Variants in TJP1 observed in about 807,000 individuals in gnomAD.
The protein encoded by TJP1 is tight junction protein ZO-1.
TJP1 carries 43 observed loss-of-function variants against 194.2 expected under a neutral mutation model. The observed-to-expected ratio is 0.22, with a 90% CI of 0.17 to 0.29. The LOEUF is 0.29. Among genes scored for constraint, TJP1 ranks in the 10% least tolerant of loss-of-function variants. The probability of loss-of-function intolerance (pLI) is 1.00; values close to 1 mark genes in which losing one functional copy is unlikely to be tolerated. For missense variants in TJP1, 1,971 were observed against 2,185.7 expected (o/e 0.90, Z 1.96); for synonymous variants, 801 against 779.0 (o/e 1.03, Z -0.47).
At chr15:29,702,168 A>C (rs1017511986) in intron 27 of TJP1, among the ~76,000 whole-genome samples, 1 of 151,930 alleles carries the variant, frequency 6.6e-6, no homozygotes, top group African/African-American at 2.4e-5. Context: ...ATGAGGACAC[A>C]TTTCTCACAC....
intron 1 of TJP1, among the ~76,000 whole-genome samples, chr15:29,816,825 A>C (rs993130834): frequency 5.9e-5 from 9 of 152,220 alleles, no homozygotes; most frequent in Non-Finnish European, 1.0e-4. Flanking sequence ...TGGATTAAAG[A>C]CTTCAATGTA....
chr15:29,957,770 G>A (rs1425546633), intron 1 of TJP1, among the ~76,000 whole-genome samples: 1 of 152,168 alleles, frequency 6.6e-6, no homozygotes, highest in African/African-American at 2.4e-5. Context: ...AGGAAAGATT[G>A]CTCAAAGTAG....
At chr15:29,902,796 G>A (rs760413976) in intron 2 of TJP1, among the ~76,000 whole-genome samples, 1 of 152,158 alleles carries the variant, frequency 6.6e-6, no homozygotes, top group Non-Finnish European at 1.5e-5. Flanking sequence ...AGCACTTTGG[G>A]AGACCACGGC....
chr15:29,766,102 T>G (rs994557966), intron 5 of TJP1, among the ~76,000 whole-genome samples, 164 bp downstream of exon 5: 2 of 152,034 alleles, frequency 1.3e-5, no homozygotes, highest in African/African-American at 4.8e-5. Flanking sequence ...ACGGAAAAAA[T>G]GAACAGTCCC....
chr15:29,719,692 G>T, intron 20 of TJP1, 85 bp downstream of exon 20: 3 of 1,524,300 alleles, frequency 2.0e-6, no homozygotes, highest in South Asian at 1.3e-5. Context: ...AAAAGCAAAA[G>T]GAACACTTAA....
intron 2 of TJP1, among the ~76,000 whole-genome samples, chr15:29,929,519 A>C (rs1298692953): frequency 1.3e-5 from 2 of 152,140 alleles, no homozygotes; most frequent in South Asian, 2.1e-4. Context: ...CAACACGGCA[A>C]AACCCCATGT....
chr15:29,901,482 A>G (rs557658317), intron 2 of TJP1, among the ~76,000 whole-genome samples: 2 of 152,164 alleles, frequency 1.3e-5, no homozygotes, highest in African/African-American at 4.8e-5. Context: ...CCAAAAAACC[A>G]CAGATGCTTC....
intron 23 of TJP1, among the ~76,000 whole-genome samples, chr15:29,714,531 C>G (rs1595587292): frequency 6.8e-6 from 1 of 146,544 alleles, no homozygotes; most frequent in Non-Finnish European, 1.5e-5. Flanking sequence ...AGCCACTGCG[C>G]CCAGCCTTTT....
intron 15 of TJP1, chr15:29,730,893 G>A: frequency 1.6e-6 from 2 of 1,244,274 alleles, no homozygotes; most frequent in Non-Finnish European, 1.2e-6. Context: ...GGGAAAAGCT[G>A]ATGCTGGCAA....
intron 2 of TJP1, among the ~76,000 whole-genome samples, chr15:29,922,712 G>A (rs866200620): frequency 1.3e-5 from 2 of 151,882 alleles, no homozygotes; most frequent in South Asian, 2.1e-4. Flanking sequence ...ATAAACCACA[G>A]GAAAAATAGT....
Position 29,817,754 on chromosome 15 carries a change from T to A in TJP1, c.27+4248A>T, listed in dbSNP as rs1023179565. 2.6e-5 allele frequency among the ~76,000 whole-genome samples: 4 copies of A among 152,250 alleles called. No individual in the cohort carries two copies. The Middle Eastern group carries it at 0.01, about 388-fold the overall frequency. On this transcript the variant is annotated intron_variant, in intron 1 of 27. Transcript: ENST00000614355. ...CCAGAACAGAAAACCAAACACCACATGTTCTCACTCATAAGTGGGAGTTGA... is the reference window on the plus strand; with the variant it reads ...CCAGAACAGAAAACCAAACACCACAAGTTCTCACTCATAAGTGGGAGTTGA...
chr15:29,830,438 C>T (rs1209996922), intron 2 of TJP1, among the ~76,000 whole-genome samples: 2 of 149,982 alleles, frequency 1.3e-5, no homozygotes, highest in East Asian at 1.9e-4. Flanking sequence ...TGAACATTAC[C>T]ATACTATGTA....
intron 24 of TJP1, 34 bp from the exon 25 acceptor site, chr15:29,709,070 C>A: frequency 6.4e-7 from 1 of 1,571,398 alleles, no homozygotes; most frequent in South Asian, 1.2e-5. Context: ...AAATAACTTT[C>A]TGAAAAAAGT....
At chr15:29,705,995 A>G (rs2127703) in intron 25 of TJP1, among the ~76,000 whole-genome samples, 151,600 of 152,322 alleles carry the variant, frequency 1, 75,441 homozygotes, top group Middle Eastern at 1. Flanking sequence ...GCAGTGGCAC[A>G]ATCTTGGTTC....
chr15:29,731,037 A>T, intron 15 of TJP1: 1 of 972,566 alleles, frequency 1.0e-6, no homozygotes. Context: ...ACAGTTTGAA[A>T]TACTTTTATC....
At chr15:29,736,899 T>C (rs2044069649) in intron 11 of TJP1, among the ~76,000 whole-genome samples, 1 of 152,236 alleles carries the variant, frequency 6.6e-6, no homozygotes, top group Non-Finnish European at 1.5e-5. Context: ...TGCCAAGTTG[T>C]GGCCCATGGC....
intron 2 of TJP1, among the ~76,000 whole-genome samples, chr15:29,941,542 A>C (rs1346726939): frequency 6.6e-6 from 1 of 151,946 alleles, no homozygotes; most frequent in East Asian, 1.9e-4. Context: ...GTTTCCTTCA[A>C]CCAGCTGGTG....
chr15:29,795,416 C>CAA (rs1221313122), intron 2 of TJP1, among the ~76,000 whole-genome samples: 15 of 100,786 alleles, frequency 1.5e-4, no homozygotes, highest in South Asian at 3.2e-4. Flanking sequence ...GACTCTGTCT[C>CAA]AAAAAAAAAA....
chr15:29,714,299 C>A (rs890150606), intron 23 of TJP1, among the ~76,000 whole-genome samples: 2 of 151,790 alleles, frequency 1.3e-5, no homozygotes, highest in Admixed American at 1.3e-4. Flanking sequence ...AGTGCAGTGG[C>A]GCGATCTCGG....
Sources: gnomAD v4.1 joint callset for allele counts (sites outside exome capture counted in the v4.1 genomes callset) on GRCh38, gnomAD v4.1.1 for gene constraint, MANE v1.5 for transcripts, NCBI Gene and HGNC (gene_info 2026-07-23, HGNC 2026-07-21) for gene names.